PALM2AKAP2: variants seen among roughly 807,000 people sequenced by gnomAD.
PALM2AKAP2 encodes PALM2-AKAP2 fusion protein.
Under a neutral mutation model 71.5 loss-of-function variants are expected in PALM2AKAP2, and 37 were observed. The ratio of observed to expected loss-of-function variants is 0.52; its 90% CI spans 0.40 to 0.68. PALM2AKAP2 has a LOEUF of 0.68. Among genes scored for constraint, PALM2AKAP2 ranks in the 30% least tolerant of loss-of-function variants. PALM2AKAP2 has a pLI of 0.00. For synonymous variants in PALM2AKAP2, 468 were observed against 478.8 expected (o/e 0.98, Z 0.29); for missense variants, 1,224 against 1,191.8 (o/e 1.03, Z -0.40).
At chr9:109,723,005 C>T (rs1162673798) in intron 1 of PALM2AKAP2, among the ~76,000 whole-genome samples, 6 of 152,132 alleles carry the variant, frequency 3.9e-5, no homozygotes, top group African/African-American at 7.2e-5. Flanking sequence ...CTACCCAACT[C>T]GCGTTTTCTG....
chr9:110,083,317 GT>G (rs950528776), intron 1 of PALM2AKAP2, among the ~76,000 whole-genome samples: 12 of 151,974 alleles, frequency 7.9e-5, no homozygotes, highest in African/African-American at 2.2e-4. Flanking sequence ...ACTTAGGGGA[GT>G]TTTTTTTAAA....
chr9:109,920,626 G>A (rs1394307177), intron 3 of PALM2AKAP2, among the ~76,000 whole-genome samples: 2 of 151,966 alleles, frequency 1.3e-5, no homozygotes, highest in Admixed American at 6.6e-5. Context: ...GTATACGCCT[G>A]CCTCGGCCTC....
chr9:109,825,798 CAG>C (rs548709726), intron 1 of PALM2AKAP2, among the ~76,000 whole-genome samples: 2,943 of 152,280 alleles, frequency 0.019, 42 homozygotes, highest in Middle Eastern at 0.048. Context: ...TTGTGGAAGA[CAG>C]TGTGGCGATT....
At chr9:110,135,164 A>AAAAATATATATAT in intron 1 of PALM2AKAP2, among the ~76,000 whole-genome samples, 13 of 51,730 alleles carry the variant, frequency 2.5e-4, no homozygotes, top group African/African-American at 9.5e-4. Flanking sequence ...AAAAAAAAAA[A>AAAAATATATATAT]ATATATAAAT....
At chr9:109,646,696 T>C (rs1165713481) in intron 1 of PALM2AKAP2, among the ~76,000 whole-genome samples, 1 of 152,242 alleles carries the variant, frequency 6.6e-6, no homozygotes, top group African/African-American at 2.4e-5. Flanking sequence ...ATACTTTCTA[T>C]GTATGAAGCA....
chr9:109,815,405 C>T (rs1827827741), intron 1 of PALM2AKAP2, among the ~76,000 whole-genome samples: 1 of 152,144 alleles, frequency 6.6e-6, no homozygotes. Context: ...AGTAAATCTG[C>T]ATCAAATAGT....
At chr9:109,838,709 C>T (rs1828559480) in intron 1 of PALM2AKAP2, among the ~76,000 whole-genome samples, 2 of 152,120 alleles carry the variant, frequency 1.3e-5, no homozygotes, top group East Asian at 1.9e-4. Context: ...CCACCAATCC[C>T]ACAGAAATAC....
chr9:109,995,063 T>C (rs1461334573), intron 6 of PALM2AKAP2, among the ~76,000 whole-genome samples: 1 of 152,188 alleles, frequency 6.6e-6, no homozygotes, highest in Non-Finnish European at 1.5e-5. Context: ...GATAATTCTT[T>C]TAAAAATATT....
chr9:110,145,305 T>A (rs372038383), intron 2 of PALM2AKAP2, among the ~76,000 whole-genome samples: 13 of 152,328 alleles, frequency 8.5e-5, no homozygotes, highest in African/African-American at 3.1e-4. Flanking sequence ...TCCAAAGATC[T>A]GAGCGGATAG....
chr9:109,833,312 G>A (rs192917272), intron 1 of PALM2AKAP2, among the ~76,000 whole-genome samples: 32 of 152,270 alleles, frequency 2.1e-4, no homozygotes, highest in Non-Finnish European at 3.7e-4. Flanking sequence ...CCGGGATCAC[G>A]CCACTGCACT....
At position 110,114,683 on chromosome 9, in the gene PALM2AKAP2, A is replaced by G. The variant is rs114179102; in HGVS notation, c.157-21444A>G. ...ACGTAGAACAAAGAGTCTAAAACCT[A>G]TGGCAGCAAAACGGTCAACAGCAGG... On this transcript the variant is annotated intron_variant, in intron 1 of 3. Coordinates refer to ENST00000374525, the Ensembl canonical transcript of PALM2AKAP2. Among the ~76,000 whole-genome samples the G allele has an allele frequency of 2.6e-5, 4 of 152,316 alleles. No individual in the cohort carries two copies. The East Asian group carries it at 5.8e-4, about 22-fold the overall frequency.
intron 3 of PALM2AKAP2, among the ~76,000 whole-genome samples, chr9:109,900,951 G>A (rs1242333682): frequency 2.0e-5 from 3 of 152,210 alleles, no homozygotes; most frequent in Non-Finnish European, 4.4e-5. Context: ...ATCAAATTCA[G>A]TATGTCTCAA....
At chr9:109,996,839 C>T (rs1211007151) in intron 6 of PALM2AKAP2, among the ~76,000 whole-genome samples, 1 of 152,176 alleles carries the variant, frequency 6.6e-6, no homozygotes, top group East Asian at 1.9e-4. Context: ...GGCATGCGTA[C>T]ACACAAGCCT....
At chr9:110,060,273 C>T (rs948283587) in intron 1 of PALM2AKAP2, among the ~76,000 whole-genome samples, 5 of 151,976 alleles carry the variant, frequency 3.3e-5, no homozygotes, top group African/African-American at 4.8e-5. Context: ...CCACAACATC[C>T]GGCAAATTTT....
chr9:109,716,923 G>A (rs1442437586), intron 1 of PALM2AKAP2, among the ~76,000 whole-genome samples: 2 of 152,160 alleles, frequency 1.3e-5, no homozygotes, highest in Non-Finnish European at 2.9e-5. Context: ...CAGAAGGGCA[G>A]GGCTGGCTTG....
chr9:109,968,269 G>A (rs563700919), intron 6 of PALM2AKAP2, among the ~76,000 whole-genome samples: 15 of 152,270 alleles, frequency 9.9e-5, no homozygotes, highest in Admixed American at 5.2e-4. Flanking sequence ...TGAGGCCCTC[G>A]CGTACCCCAT....
chr9:110,072,730 C>G (rs1478847105), intron 1 of PALM2AKAP2, among the ~76,000 whole-genome samples: 2 of 152,188 alleles, frequency 1.3e-5, no homozygotes, highest in Admixed American at 1.3e-4. Context: ...TCTTGCCCTT[C>G]AAATGCAGCC....
chr9:109,727,389 T>G (rs1828491751), intron 1 of PALM2AKAP2, among the ~76,000 whole-genome samples: 1 of 152,240 alleles, frequency 6.6e-6, no homozygotes, highest in Non-Finnish European at 1.5e-5. Flanking sequence ...TTTGAGCAAA[T>G]CACTCAACTT....
At chr9:110,149,377 A>T (rs928806230) in intron 2 of PALM2AKAP2, among the ~76,000 whole-genome samples, 11 of 152,224 alleles carry the variant, frequency 7.2e-5, no homozygotes, top group Non-Finnish European at 1.5e-4. Context: ...CTAGTCCATA[A>T]AAGTTAAAGC....
Sources: allele counts gnomAD v4.1 joint callset (sites outside exome capture counted in the v4.1 genomes callset), GRCh38; gene constraint gnomAD v4.1.1; transcripts MANE v1.5; gene names NCBI Gene and HGNC (gene_info 2026-07-23, HGNC 2026-07-21).